The following SLC5A11 variants were observed in gnomAD, a reference collection of about 807,000 sequenced individuals.
SLC5A11 encodes solute carrier family 5 member 11.
SLC5A11 carries 48 observed loss-of-function variants against 69.8 expected under a neutral mutation model. The observed-to-expected ratio is 0.69, with a 90% CI of 0.55 to 0.87. The LOEUF is 0.87. Among genes scored for constraint, SLC5A11 ranks in the 40% least tolerant of loss-of-function variants. SLC5A11 has a pLI of 0.00. For missense variants in SLC5A11, 784 were observed against 866.1 expected (o/e 0.91, Z 1.19); for synonymous variants, 319 against 342.4 (o/e 0.93, Z 0.75).
intron 7 of SLC5A11, among the ~76,000 whole-genome samples, chr16:24,883,102 C>T (rs149791655): frequency 1.4e-4 from 22 of 152,284 alleles, no homozygotes; most frequent in African/African-American, 5.1e-4. Context: ...TAGTTGCTTA[C>T]ACCCGTAATC....
chr16:24,898,798 GT>G (rs2049374477), intron 10 of SLC5A11, among the ~76,000 whole-genome samples: 1 of 152,030 alleles, frequency 6.6e-6, no homozygotes, highest in Non-Finnish European at 1.5e-5. Flanking sequence ...GATTACAGGC[GT>G]AAGCCACCAT....
exon 6 of SLC5A11, chr16:24,875,730 C>G (rs552396984): frequency 1.9e-6 from 3 of 1,612,768 alleles, no homozygotes; most frequent in Non-Finnish European, 2.5e-6. Flanking sequence ...ACCAAGATCT[C>G]GGTAAGGCAG....
chr16:24,884,247 AT>A, intron 8 of SLC5A11, 116 bp downstream of exon 9: 3 of 968,162 alleles, frequency 3.1e-6, no homozygotes, highest in Non-Finnish European at 4.7e-6. Flanking sequence ...CTACTGGGGA[AT>A]TTTTTGTCAC....
intron 3 of SLC5A11, among the ~76,000 whole-genome samples, chr16:24,865,753 A>G (rs959877771): frequency 3.9e-5 from 6 of 152,104 alleles, no homozygotes; most frequent in African/African-American, 1.4e-4. Context: ...GACCTACCCT[A>G]TAAGAAATTC....
exon 4 of SLC5A11, chr16:24,869,937 G>A: frequency 6.2e-7 from 1 of 1,614,142 alleles, no homozygotes; most frequent in Non-Finnish European, 8.5e-7. Flanking sequence ...TGTTGGAAGT[G>A]GACATTTCAT....
At position 24,908,964 on chromosome 16, in the gene SLC5A11, C is replaced by T. The variant is rs148842039; in HGVS notation, c.1518C>T (p.Cys506=). 6.7e-5 allele frequency: 108 copies of T among 1,614,042 alleles called. No homozygotes were observed. In the African/African-American group the frequency reaches 1.2e-3, roughly 18 times the overall value. Residue 506 remains cysteine (C), a synonymous_variant, in exon 14 of 16, where the codon TGC becomes TGT. Transcript: ENST00000347898. ...ACTTTATTTACGTGCAGCCTCGATG[C>T]GACCAGCCAGATGAGCGCCCGGTCC... is the stretch of plus-strand genomic sequence containing the variant.
intron 1 of SLC5A11, among the ~76,000 whole-genome samples, chr16:24,854,580 C>T (rs2059448176): frequency 6.6e-6 from 1 of 151,894 alleles, no homozygotes. Context: ...CAGTTGCATA[C>T]CACCACACCC....
intron 5 of SLC5A11, 148 bp from the exon 7 acceptor site, chr16:24,875,479 C>T (rs941917720): frequency 1.5e-5 from 10 of 665,914 alleles, no homozygotes; most frequent in Middle Eastern, 4.1e-4. Context: ...CCCCTCTCCT[C>T]CCTTCTTAAG....
At position 24,864,973 on chromosome 16, in the gene SLC5A11, C is replaced by T. The variant is rs994947203; in HGVS notation, c.207+2301C>T. On this transcript the variant is annotated intron_variant, in intron 3 of 15. Transcript: ENST00000347898. Reference sequence around the variant, plus strand: ...TGAAGTCTGAGGAACAGAAAAAAAACGAAGAGAAACAGAGTCTCAGAGATC... The same window carrying T: ...TGAAGTCTGAGGAACAGAAAAAAAATGAAGAGAAACAGAGTCTCAGAGATC... Among the ~76,000 whole-genome samples, 12 of 150,272 alleles carry T rather than the reference C, an allele frequency of 8.0e-5. 1 individual carries two copies. The highest frequency in any genetic ancestry group is 4.2e-4 in the South Asian group (2 of 4,764).
At chr16:24,908,200 G>A in intron 13 of SLC5A11, 69 bp downstream of exon 14, 4 of 1,496,528 alleles carry the variant, frequency 2.7e-6, no homozygotes, top group Non-Finnish European at 2.7e-6. Flanking sequence ...TAGGATGGGA[G>A]GGGAGGGTGT....
intron 10 of SLC5A11, among the ~76,000 whole-genome samples, chr16:24,904,999 C>G (rs919769983): frequency 6.6e-6 from 1 of 151,754 alleles, no homozygotes; most frequent in African/African-American, 2.4e-5. Context: ...TCCATGTGTT[C>G]TTATTGTTCA....
At chr16:24,851,123 CTTTTAT>C (rs961791268) in intron 1 of SLC5A11, among the ~76,000 whole-genome samples, 39 of 151,742 alleles carry the variant, frequency 2.6e-4, no homozygotes, top group African/African-American at 9.4e-4. Context: ...GTTTATGCTC[CTTTTAT>C]TTTTATTTTT....
At chr16:24,873,254 G>A (rs552149111) in intron 5 of SLC5A11, among the ~76,000 whole-genome samples, 28 of 115,890 alleles carry the variant, frequency 2.4e-4, no homozygotes, top group South Asian at 8.9e-4. Flanking sequence ...AGGGAGGAAG[G>A]AAGGAAGGAA....
At chr16:24,869,825 C>A in intron 3 of SLC5A11, 76 bp from the exon 5 acceptor site, 1 of 1,030,360 alleles carries the variant, frequency 9.7e-7, no homozygotes, top group Non-Finnish European at 1.5e-6. Context: ...CCCTTTGGAG[C>A]ATGGAAATAA....
chr16:24,909,841 A>T lies in SLC5A11; in HGVS notation c.1651-465A>T, dbSNP rs553385687. 3.6e-4 allele frequency among the ~76,000 whole-genome samples: 54 copies of T among 151,042 alleles called. No individual in the cohort carries two copies. In the East Asian group the frequency reaches 0.01, roughly 29 times the overall value. On this transcript the variant is annotated intron_variant, in intron 14 of 15. Transcript: ENST00000347898. ...AAGAGCCTGTCTTTAAAAAAAAAAA[A>T]AAAAAAAAAAAGTAAAAATAAGCAT...
At chr16:24,861,698 G>T (rs2046562181) in intron 2 of SLC5A11, among the ~76,000 whole-genome samples, 1 of 139,518 alleles carries the variant, frequency 7.2e-6, no homozygotes, top group Admixed American at 7.4e-5. Context: ...GGAAGGAAGG[G>T]AGGGAAAAGG....
Position 24,862,709 on chromosome 16 carries a change from A to G in SLC5A11, c.207+37A>G, listed in dbSNP as rs776306826. The G allele has an allele frequency of 5.1e-6, 8 of 1,564,414 alleles. No individual in the cohort carries two copies. The African/African-American group carries it at 1.1e-4, about 21-fold the overall frequency. On this transcript the variant is annotated intron_variant, in intron 3 of 15. Coordinates refer to ENST00000347898, the Ensembl canonical transcript of SLC5A11. Reference sequence around the variant, plus strand: ...TTGGTTCAATTAAAGTCACTTCTTAAAGAATCTTCAAGTGCTGGGATTCTG... The same window carrying G: ...TTGGTTCAATTAAAGTCACTTCTTAGAGAATCTTCAAGTGCTGGGATTCTG...
intron 8 of SLC5A11, among the ~76,000 whole-genome samples, chr16:24,887,261 A>G (rs1026017268): frequency 6.6e-6 from 1 of 152,232 alleles, no homozygotes; most frequent in African/African-American, 2.4e-5. Context: ...AGTTGGTATT[A>G]TGACTAAAGA....
At chr16:24,856,208 T>C (rs1240189065) in intron 1 of SLC5A11, among the ~76,000 whole-genome samples, 1 of 152,198 alleles carries the variant, frequency 6.6e-6, no homozygotes, top group Non-Finnish European at 1.5e-5. Context: ...GAAATGTGTA[T>C]TGCCCACGCA....
Sources: gnomAD v4.1 joint callset for allele counts (sites outside exome capture counted in the v4.1 genomes callset) on GRCh38, gnomAD v4.1.1 for gene constraint, MANE v1.5 for transcripts, NCBI Gene and HGNC (gene_info 2026-07-23, HGNC 2026-07-21) for gene names.